Variants in TMEM229B observed in about 807,000 individuals in gnomAD.
TMEM229B encodes the protein chromosome 14 open reading frame 83.
Under a neutral mutation model 13.7 loss-of-function variants are expected in TMEM229B, and 6 were observed. The ratio of observed to expected loss-of-function variants is 0.44; its 90% confidence interval spans 0.24 to 0.86. TMEM229B has a LOEUF of 0.86. Ranked by LOEUF, TMEM229B falls within the 40% of genes least tolerant of loss-of-function variation. The pLI is 0.23. For missense variants in TMEM229B, 170 were observed against 236.0 expected (o/e 0.72, Z 1.83); for synonymous variants, 107 against 102.1 (o/e 1.05, Z -0.29).
At chr14:67,522,000 G>C (rs2033297951) in intron 1 of TMEM229B, among the ~76,000 whole-genome samples, 1 of 151,992 alleles carries the variant, frequency 6.6e-6, no homozygotes. Flanking sequence ...CATAGTGAAA[G>C]TCGTCTCTAC....
intron 1 of TMEM229B, among the ~76,000 whole-genome samples, chr14:67,528,223 A>G (rs1228720969): frequency 6.6e-6 from 1 of 152,180 alleles, no homozygotes; most frequent in Non-Finnish European, 1.5e-5. Flanking sequence ...GAGTGCCAAG[A>G]ACTGAGCTAG....
chr14:67,497,830 G>A (rs1440631849), intron 1 of TMEM229B, among the ~76,000 whole-genome samples: 1 of 152,020 alleles, frequency 6.6e-6, no homozygotes, highest in Non-Finnish European at 1.5e-5. Context: ...TATCTTGTGG[G>A]TGTTTGTGTA....
chr14:67,473,617 A>C lies in TMEM229B; in HGVS notation c.307T>G (p.Trp103Gly). The change falls in exon 3 of 3, where the codon TGG becomes GGG. Residue 103 changes from tryptophan (W) to glycine (G), a missense_variant. This residue lies in a region of TMEM229B where 57 missense variants were observed against 66.7 expected (regional missense o/e 0.85). Coordinates refer to ENST00000554480, the MANE Select transcript of TMEM229B (RefSeq NM_001348543.2). The surrounding 1 kb of genome is among the most constrained non-coding windows in gnomAD (Gnocchi z 6.5). The part of the protein sequence containing the change: ...FILRQFNACP[W>G]DYSQFDFDFM... ...TCAAAGTCGAACTGGGAGTAGTCCC[A>C]GGGGCAGGCGTTGAACTGGCGCAGG... The C allele has an allele frequency of 6.3e-7, 1 of 1,594,104 alleles. No homozygotes were observed. The highest frequency in any genetic ancestry group is 8.5e-7 in the Non-Finnish European group (1 of 1,170,446).
intron 1 of TMEM229B, among the ~76,000 whole-genome samples, chr14:67,511,377 T>C (rs1012565059): frequency 1.3e-5 from 2 of 152,098 alleles, no homozygotes; most frequent in Non-Finnish European, 2.9e-5. Context: ...AAAACTGTCA[T>C]GCTTCTAGAA....
rs1046630052 is a variant in TMEM229B at position 67,473,360 on chromosome 14, C to T, written c.*60G>A. 2.0e-5 allele frequency: 31 copies of T among 1,580,836 alleles called. No homozygotes were observed. The highest frequency in any genetic ancestry group is 2.6e-5 in the Non-Finnish European group (30 of 1,163,740). ...TGCATGGATGGGGCAACCTCACCAG[C>T]TTGGTCTCTTTGTCCATGAGTTCCA... On this transcript the variant is annotated 3_prime_UTR_variant, in exon 3 of 3. Coordinates refer to ENST00000554480, the MANE Select transcript of TMEM229B (RefSeq NM_001348543.2). The surrounding 1 kb of genome is among the most constrained non-coding windows in gnomAD (Gnocchi z 6.5).
chr14:67,493,902 A>T (rs896650537), intron 1 of TMEM229B, among the ~76,000 whole-genome samples: 1 of 151,588 alleles, frequency 6.6e-6, no homozygotes, highest in Non-Finnish European at 1.5e-5. Flanking sequence ...TTTAAAAATA[A>T]TTTTTTTTTA....
chr14:67,508,030 C>T (rs537309953), intron 1 of TMEM229B, among the ~76,000 whole-genome samples: 1 of 151,380 alleles, frequency 6.6e-6, no homozygotes, highest in African/African-American at 2.4e-5. Flanking sequence ...CCCAGCTACT[C>T]GGGAGGCTGA....
At chr14:67,525,126 A>G (rs2033347459) in intron 1 of TMEM229B, among the ~76,000 whole-genome samples, 1 of 152,226 alleles carries the variant, frequency 6.6e-6, no homozygotes, top group Non-Finnish European at 1.5e-5. Flanking sequence ...CATAATATAG[A>G]AAAGAACAAA....
intron 2 of TMEM229B, among the ~76,000 whole-genome samples, chr14:67,476,597 A>G (rs1253817866): frequency 6.6e-6 from 1 of 152,080 alleles, no homozygotes; most frequent in Non-Finnish European, 1.5e-5. Flanking sequence ...CAAAAAATAT[A>G]TTTATAAATA....
chr14:67,471,156 G>A lies in TMEM229B; in HGVS notation c.*2264C>T, dbSNP rs3742859. 7.9e-5 allele frequency: 12 copies of A among 152,258 alleles called. No homozygotes were observed. The highest frequency in any genetic ancestry group is 2.9e-4 in the African/African-American group (12 of 41,434). The allele number at this position is 152,258 out of a possible 1,614,324, so 9.4% of individuals were successfully genotyped here. On this transcript the variant is annotated 3_prime_UTR_variant, in exon 3 of 3. Coordinates refer to ENST00000554480, the MANE Select transcript of TMEM229B (RefSeq NM_001348543.2). ...GCCAGGCACACAGGCATACCCCCAG[G>A]ACCTCCTGCACTTGGGAAAGTATAG...
chr14:67,479,910 G>A (rs1020249891), intron 2 of TMEM229B, among the ~76,000 whole-genome samples: 1 of 152,122 alleles, frequency 6.6e-6, no homozygotes, highest in Non-Finnish European at 1.5e-5. Context: ...AATATGGCCA[G>A]CTGGTTAAGT....
At chr14:67,475,338 C>T (rs997618933) in intron 2 of TMEM229B, among the ~76,000 whole-genome samples, 13 of 152,200 alleles carry the variant, frequency 8.5e-5, no homozygotes, top group African/African-American at 3.1e-4. Flanking sequence ...CAAAATAAGG[C>T]TGCTATGAAC....
At chr14:67,518,204 G>T (rs913840877), upstream of TMEM229B, among the ~76,000 whole-genome samples, 1 of 152,182 alleles carries the variant, frequency 6.6e-6, no homozygotes, top group African/African-American at 2.4e-5. Flanking sequence ...TTCGTGTCTT[G>T]TCAAAGCAAG....
upstream of TMEM229B, among the ~76,000 whole-genome samples, chr14:67,515,904 CTG>C (rs544073943): frequency 3.9e-4 from 60 of 152,340 alleles, 2 homozygotes; most frequent in East Asian, 0.011. Context: ...GATGGAGAAA[CTG>C]AGGCCTATGG....
At chr14:67,519,217 TTGAC>T (rs1206464957), upstream of TMEM229B, among the ~76,000 whole-genome samples, 4 of 152,200 alleles carry the variant, frequency 2.6e-5, no homozygotes, top group Non-Finnish European at 5.9e-5. Context: ...GTAGGATTCT[TTGAC>T]TGCAAGCAAT....
chr14:67,525,825 G>C (rs928088072), intron 1 of TMEM229B, among the ~76,000 whole-genome samples: 2 of 152,184 alleles, frequency 1.3e-5, no homozygotes, highest in African/African-American at 4.8e-5. Flanking sequence ...TTTTGTTCCA[G>C]AGATCCTGGA....
At chr14:67,489,489 G>A (rs996752519), upstream of TMEM229B, among the ~76,000 whole-genome samples, 4 of 152,064 alleles carry the variant, frequency 2.6e-5, no homozygotes, top group Non-Finnish European at 4.4e-5. Context: ...TGCTGGGAGC[G>A]TGAAGAAGCA....
chr14:67,502,499 C>A (rs566119035), intron 1 of TMEM229B, among the ~76,000 whole-genome samples: 30 of 139,562 alleles, frequency 2.1e-4, no homozygotes, highest in Non-Finnish European at 3.8e-4. Flanking sequence ...GTTGTCCAGG[C>A]TAGAGTGCAA....
chr14:67,514,759 C>G (rs2033144088), intron 1 of TMEM229B, among the ~76,000 whole-genome samples: 1 of 152,090 alleles, frequency 6.6e-6, no homozygotes, highest in Non-Finnish European at 1.5e-5. Context: ...CCTCGCTTCC[C>G]CCTGACACCC....
Sources: allele counts gnomAD v4.1 joint callset (sites outside exome capture counted in the v4.1 genomes callset), GRCh38; gene constraint gnomAD v4.1.1; regional missense constraint gnomAD v4.1.1; non-coding constraint Gnocchi (gnomAD v3.1); transcripts MANE v1.5; gene names NCBI Gene and HGNC (gene_info 2026-07-23, HGNC 2026-07-21).